The following MCHR2 variants were observed in gnomAD, a reference collection of about 807,000 sequenced individuals.
The protein encoded by MCHR2 is melanin concentrating hormone receptor 2, also known as melanin-concentrating hormone receptor 2.
In MCHR2, 15 loss-of-function variants were observed where a neutral mutation model predicts 24.8. That is an observed-to-expected ratio of 0.60 (90% confidence interval 0.40 to 0.93). MCHR2 has a LOEUF of 0.93. MCHR2 is among the 40% of genes least tolerant of loss of function. MCHR2 has a pLI of 0.00. For missense variants in MCHR2, 386 were observed against 408.7 expected, an observed-to-expected ratio of 0.94 and a Z score of 0.48; for synonymous variants, 151 against 147.6, an observed-to-expected ratio of 1.02 and a Z score of -0.17.
At chr6:99,951,237 G>A (rs577339011) in intron 2 of MCHR2, among the ~76,000 whole-genome samples, 1 of 152,130 alleles carries the variant, frequency 6.6e-6, no homozygotes, top group South Asian at 2.1e-4. Context: ...TTTAACTCTA[G>A]TTGAATTAAA....
At chr6:99,958,409 A>G (rs897365382) in intron 1 of MCHR2, among the ~76,000 whole-genome samples, 2 of 152,118 alleles carry the variant, frequency 1.3e-5, no homozygotes, top group Non-Finnish European at 2.9e-5. Flanking sequence ...AATAAACTCC[A>G]TGTGACTTAA....
intron 5 of MCHR2, among the ~76,000 whole-genome samples, chr6:99,927,705 G>T (rs528933081): frequency 0.019 from 2,912 of 152,174 alleles, 34 homozygotes; most frequent in Middle Eastern, 0.048. Context: ...AGATTTTGCT[G>T]AAGTTGCTTA....
intron 1 of MCHR2, among the ~76,000 whole-genome samples, chr6:99,988,701 C>T (rs1026662155): frequency 6.6e-6 from 1 of 152,200 alleles, no homozygotes; most frequent in African/African-American, 2.4e-5. Context: ...AGAAATAGAA[C>T]AGAAAGACCT....
Position 99,956,071 on chromosome 6 carries a change from T to G in MCHR2, c.77A>C (p.Tyr26Ser). ...TGTATCTACCACACTGGCAGTTTGA[T>G]AAGCAAACTCTTTATTCCAGGATTT... is the stretch of plus-strand genomic sequence containing the variant. ...LNKSWNKEFA[Y>S]QTASVVDTVI... Residue 26 changes from tyrosine (Y) to serine (S), a missense_variant, in exon 2 of 6, where the codon TAT becomes TCT. Tyr to Ser is a moderately radical substitution (Grantham distance 144). Coordinates refer to ENST00000281806, the MANE Select transcript of MCHR2 (RefSeq NM_001040179.2). 1 of 1,613,538 alleles carries G rather than the reference T, an allele frequency of 6.2e-7. No homozygotes were observed. The highest frequency in any genetic ancestry group is 8.5e-7 in the Non-Finnish European group (1 of 1,179,642).
intron 2 of MCHR2, 107 bp from the exon 3 acceptor site, chr6:99,948,078 A>G: frequency 1.1e-6 from 1 of 942,834 alleles, no homozygotes; most frequent in Non-Finnish European, 1.6e-6. Flanking sequence ...TTTAAATGTT[A>G]AAGGAAAACC....
chr6:99,970,940 TACC>T (rs1422853394), intron 1 of MCHR2, among the ~76,000 whole-genome samples: 1 of 152,232 alleles, frequency 6.6e-6, no homozygotes, highest in Non-Finnish European at 1.5e-5. Context: ...TTGGTACCAG[TACC>T]ATGCTGTTTT....
At chr6:99,974,901 C>T (rs1026407272) in intron 1 of MCHR2, among the ~76,000 whole-genome samples, 5 of 152,252 alleles carry the variant, frequency 3.3e-5, no homozygotes, top group Non-Finnish European at 5.9e-5. Flanking sequence ...CTTGGTGAAC[C>T]GCAAATGCTG....
At chr6:99,966,726 A>G (rs2114559442) in intron 1 of MCHR2, among the ~76,000 whole-genome samples, 1 of 152,298 alleles carries the variant, frequency 6.6e-6, no homozygotes, top group Admixed American at 6.5e-5. Context: ...AAAAAGTTTA[A>G]GCATTAGTAT....
Position 99,994,026 on chromosome 6 carries a change from CA to C in MCHR2, c.-119del. ...GGTCTATCCGCTAAGCGCGCGTGACCAAAAACGGCTCTCAGCGGGTCCCAGC... is the reference window on the plus strand; with the variant it reads ...GGTCTATCCGCTAAGCGCGCGTGACCAAAACGGCTCTCAGCGGGTCCCAGC... On this transcript the variant is annotated 5_prime_UTR_variant, in exon 1 of 6. The change abolishes the stop of an existing upstream ORF in the 5' untranslated region. Transcript: ENST00000281806. The C allele has an allele frequency of 6.6e-6, 1 of 152,378 alleles. No homozygotes were observed. The highest frequency in any genetic ancestry group is 1.5e-5 in the Non-Finnish European group (1 of 68,152). The allele number at this position is 152,378 out of a possible 1,614,324, so 9.4% of individuals were successfully genotyped here.
intron 1 of MCHR2, among the ~76,000 whole-genome samples, chr6:99,990,758 T>C (rs1403556965): frequency 6.6e-6 from 1 of 151,786 alleles, no homozygotes; most frequent in Non-Finnish European, 1.5e-5. Flanking sequence ...CTCCTCTCTG[T>C]CTCTCTCTAC....
In MCHR2 at chr6:99,925,007, T is replaced by A. The variant is rs563153836; in HGVS notation, c.708-3752A>T. 8.5e-4 allele frequency among the ~76,000 whole-genome samples: 129 copies of A among 152,130 alleles called. 1 individual carries two copies. The highest frequency in any genetic ancestry group is 2.9e-4 in the Non-Finnish European group (20 of 67,962). The stretch of plus-strand genomic sequence containing the variant: ...ATGCTGAAAGTAAGTTATTGAAGTT[T>A]CCAGCTACTATTATATTGGGGCCTA... On this transcript the variant is annotated intron_variant, in intron 5 of 5. Transcript: ENST00000281806.
At chr6:99,939,959 T>C (rs1774741013) in intron 4 of MCHR2, among the ~76,000 whole-genome samples, 1 of 149,962 alleles carries the variant, frequency 6.7e-6, no homozygotes, top group Non-Finnish European at 1.5e-5. Context: ...CATTTCCAGA[T>C]GAATTAGAGC....
intron 2 of MCHR2, among the ~76,000 whole-genome samples, chr6:99,951,600 A>T (rs1048070202): frequency 2.0e-5 from 3 of 152,102 alleles, no homozygotes; most frequent in African/African-American, 7.2e-5. Flanking sequence ...ATCTGAACAG[A>T]TGTTGTTGCA....
chr6:99,937,364 AT>A (rs563032632), intron 4 of MCHR2, among the ~76,000 whole-genome samples: 630 of 152,000 alleles, frequency 4.1e-3, no homozygotes, highest in Middle Eastern at 0.01. Flanking sequence ...GCCCTTTGTT[AT>A]TTTGAGGTAT....
chr6:99,989,389 C>T (rs1027992312), intron 1 of MCHR2, among the ~76,000 whole-genome samples: 2 of 152,140 alleles, frequency 1.3e-5, no homozygotes, highest in Admixed American at 6.5e-5. Flanking sequence ...ACCTTATGTA[C>T]ATTACCTCAT....
At chr6:99,975,285 C>T (rs1047321869) in intron 1 of MCHR2, among the ~76,000 whole-genome samples, 2 of 152,294 alleles carry the variant, frequency 1.3e-5, no homozygotes, top group South Asian at 4.1e-4. Flanking sequence ...AGGTGCCCTT[C>T]CCCCAGTCTC....
chr6:99,925,256 T>C (rs992623462), intron 5 of MCHR2, among the ~76,000 whole-genome samples: 3 of 152,162 alleles, frequency 2.0e-5, no homozygotes, highest in African/African-American at 7.2e-5. Flanking sequence ...TGTATGTTTT[T>C]CCATTCCTTT....
intron 4 of MCHR2, among the ~76,000 whole-genome samples, chr6:99,942,141 A>C (rs1774782753): frequency 6.6e-6 from 1 of 152,208 alleles, no homozygotes; most frequent in Non-Finnish European, 1.5e-5. Flanking sequence ...TAGTTGCATT[A>C]GTTTCCTAGG....
intron 1 of MCHR2, among the ~76,000 whole-genome samples, chr6:99,970,555 C>A (rs4629687): frequency 0.33 from 50,047 of 151,960 alleles, 8,651 homozygotes; most frequent in Admixed American, 0.42. Flanking sequence ...TGCAGAAGCT[C>A]TTTAGTTTAA....
Sources: allele counts gnomAD v4.1 joint callset (sites outside exome capture counted in the v4.1 genomes callset), GRCh38; gene constraint gnomAD v4.1.1; transcripts MANE v1.5; gene names NCBI Gene and HGNC (gene_info 2026-07-23, HGNC 2026-07-21).